TBC1D5: variants seen among roughly 807,000 people sequenced by gnomAD.
TBC1D5 encodes the protein TBC1 domain family, member 5.
A neutral mutation model predicts 100.3 loss-of-function variants in TBC1D5; 75 were observed. That is an observed-to-expected ratio of 0.75 (90% CI 0.62 to 0.91). TBC1D5 has a LOEUF of 0.91. Ranked by LOEUF, TBC1D5 falls within the 40% of genes least tolerant of loss-of-function variation. The pLI, the probability that TBC1D5 is intolerant of heterozygous loss-of-function variation, is 0.00. For synonymous variants in TBC1D5, 323 were observed against 325.6 expected (o/e 0.99, Z 0.09); for missense variants, 910 against 942.4 (o/e 0.97, Z 0.45).
At chr3:17,363,748 A>G (rs1212630320) in intron 13 of TBC1D5, among the ~76,000 whole-genome samples, 1 of 151,798 alleles carries the variant, frequency 6.6e-6, no homozygotes, top group Non-Finnish European at 1.5e-5. Context: ...AGTTTTCACT[A>G]TATGTACTGG....
At chr3:17,650,775 T>C (rs2065472951) in intron 1 of TBC1D5, among the ~76,000 whole-genome samples, 1 of 152,182 alleles carries the variant, frequency 6.6e-6, no homozygotes, top group Non-Finnish European at 1.5e-5. Flanking sequence ...AATTCTAAAA[T>C]CTTAGCTGGT....
chr3:17,628,718 T>A (rs563066483), intron 1 of TBC1D5, among the ~76,000 whole-genome samples: 1 of 152,326 alleles, frequency 6.6e-6, no homozygotes, highest in African/African-American at 2.4e-5. Context: ...TCATCAGCAC[T>A]AGGAATTGTT....
At chr3:17,598,511 GTTCT>G (rs1234599367) in intron 2 of TBC1D5, among the ~76,000 whole-genome samples, 2 of 152,022 alleles carry the variant, frequency 1.3e-5, no homozygotes, top group Non-Finnish European at 2.9e-5. Flanking sequence ...TTGTTTCAGA[GTTCT>G]TTTTTTTAAA....
chr3:17,218,232 T>C (rs2073881884), intron 17 of TBC1D5, among the ~76,000 whole-genome samples: 2 of 152,072 alleles, frequency 1.3e-5, no homozygotes, highest in African/African-American at 4.8e-5. Flanking sequence ...TTAAAATAAC[T>C]ATATAACAAG....
intron 3 of TBC1D5, among the ~76,000 whole-genome samples, chr3:17,451,749 G>T (rs1292429729): frequency 6.6e-6 from 1 of 152,144 alleles, no homozygotes; most frequent in Non-Finnish European, 1.5e-5. Flanking sequence ...TTCTGCACAT[G>T]TATACCAGAA....
At chr3:17,607,983 T>C in intron 2 of TBC1D5, among the ~76,000 whole-genome samples, 1 of 152,232 alleles carries the variant, frequency 6.6e-6, no homozygotes. Context: ...AATAAATGTA[T>C]CTTTCCAAAA....
chr3:17,325,384 G>A (rs2085966300), intron 13 of TBC1D5, among the ~76,000 whole-genome samples: 1 of 146,750 alleles, frequency 6.8e-6, no homozygotes, highest in African/African-American at 2.5e-5. Context: ...GTGCAATGGT[G>A]TGATCTTGGC....
intron 1 of TBC1D5, among the ~76,000 whole-genome samples, chr3:17,689,790 T>G: frequency 6.6e-6 from 1 of 152,078 alleles, no homozygotes; most frequent in East Asian, 1.9e-4. Context: ...TTGTTCCAAA[T>G]GAGAAATATA....
intron 2 of TBC1D5, among the ~76,000 whole-genome samples, chr3:17,509,938 C>G (rs2095884562): frequency 6.6e-6 from 1 of 151,870 alleles, no homozygotes; most frequent in South Asian, 2.1e-4. Context: ...AACTTCCAAC[C>G]TACACTATTT....
At chr3:17,514,454 A>G (rs1194714432) in intron 2 of TBC1D5, among the ~76,000 whole-genome samples, 1 of 152,220 alleles carries the variant, frequency 6.6e-6, no homozygotes, top group Non-Finnish European at 1.5e-5. Context: ...GTATAAGACT[A>G]CAATAAGGGT....
At chr3:17,464,223 G>T (rs976118512) in intron 3 of TBC1D5, among the ~76,000 whole-genome samples, 11 of 151,898 alleles carry the variant, frequency 7.2e-5, no homozygotes, top group African/African-American at 2.4e-4. Flanking sequence ...GCCTCCCAAA[G>T]TGCTGGGATT....
rs1021255306 is a variant in TBC1D5 at position 17,525,862 on chromosome 3, T to G, written c.-35-17257A>C. Among the ~76,000 whole-genome samples, 13 of 152,210 alleles carry G rather than the reference T, an allele frequency of 8.5e-5. 1 individual carries two copies. Among genetic ancestry groups the G allele is most frequent in the African/African-American group, 3.1e-4 (13 of 41,472 alleles). ...ACTTTACTTCTTTTTTAAATTGATC[T>G]ATTCTCATGACCTGGCATATAATAA... On this transcript the variant is annotated intron_variant, in intron 2 of 21. Coordinates refer to ENST00000253692, the Ensembl canonical transcript of TBC1D5.
chr3:17,430,996 A>C (rs1342771138), intron 3 of TBC1D5, among the ~76,000 whole-genome samples: 1 of 151,892 alleles, frequency 6.6e-6, no homozygotes, highest in Non-Finnish European at 1.5e-5. Context: ...CCAGAAAACA[A>C]CTTCCGCCAG....
At chr3:17,707,902 C>T (rs931936597) in intron 1 of TBC1D5, among the ~76,000 whole-genome samples, 2 of 152,128 alleles carry the variant, frequency 1.3e-5, no homozygotes, top group African/African-American at 4.8e-5. Flanking sequence ...AAATTTTCAA[C>T]TCTAAAAAAG....
chr3:17,345,360 C>T (rs1197468181), intron 13 of TBC1D5, among the ~76,000 whole-genome samples: 1 of 152,102 alleles, frequency 6.6e-6, no homozygotes, highest in African/African-American at 2.4e-5. Flanking sequence ...CAAATTAAAA[C>T]CACAATGAGA....
At chr3:17,207,078 G>C (rs533582560) in intron 18 of TBC1D5, among the ~76,000 whole-genome samples, 60 of 152,230 alleles carry the variant, frequency 3.9e-4, no homozygotes, top group African/African-American at 1.3e-3. Context: ...GGGACTACAG[G>C]TGCATGCCAC....
intron 13 of TBC1D5, chr3:17,337,651 A>G (rs576240630): frequency 6.6e-6 from 1 of 152,332 alleles, no homozygotes; most frequent in Admixed American, 6.5e-5. Context: ...TTAAGACAAA[A>G]GATAAACCTG....
intron 2 of TBC1D5, among the ~76,000 whole-genome samples, chr3:17,559,527 T>A (rs2096543864): frequency 6.6e-6 from 1 of 151,940 alleles, no homozygotes; most frequent in Non-Finnish European, 1.5e-5. Flanking sequence ...TAAGAGGAGA[T>A]AAAGATCATG....
intron 3 of TBC1D5, among the ~76,000 whole-genome samples, chr3:17,433,532 T>A (rs114654720): frequency 0.022 from 3,411 of 152,046 alleles, 122 homozygotes; most frequent in African/African-American, 0.077. Context: ...AGCATGGGGG[T>A]AACCGCCCTC....
Sources: allele counts gnomAD v4.1 joint callset (sites outside exome capture counted in the v4.1 genomes callset), GRCh38; gene constraint gnomAD v4.1.1; transcripts MANE v1.5; gene names NCBI Gene and HGNC (gene_info 2026-07-23, HGNC 2026-07-21).